Variants in STPG2 observed in about 807,000 individuals in gnomAD.
The protein encoded by STPG2 is sperm-tail PG-rich repeat-containing protein 2.
Under a neutral mutation model 54.2 loss-of-function variants are expected in STPG2, and 56 were observed. The ratio of observed to expected loss-of-function variants is 1.03; its 90% confidence interval spans 0.83 to 1.29. The LOEUF is 1.29. STPG2 is among the 50% of genes most tolerant of loss of function. The pLI is 0.00. For synonymous variants in STPG2, 200 were observed against 181.8 expected, an observed-to-expected ratio of 1.10 and a Z score of -0.81; for missense variants, 596 against 544.9, an observed-to-expected ratio of 1.09 and a Z score of -0.93.
intron 5 of STPG2, among the ~76,000 whole-genome samples, chr4:97,983,354 A>G (rs554905014): frequency 6.6e-6 from 1 of 152,344 alleles, no homozygotes; most frequent in South Asian, 2.1e-4. Flanking sequence ...GCTTCCAGTT[A>G]ACAATAGCCA....
intron 10 of STPG2, among the ~76,000 whole-genome samples, chr4:97,711,336 A>G (rs1724111262): frequency 6.6e-6 from 1 of 152,178 alleles, no homozygotes; most frequent in Non-Finnish European, 1.5e-5. Context: ...TAAAGTAAAC[A>G]AACGTCATAA....
intron 10 of STPG2, among the ~76,000 whole-genome samples, chr4:97,664,680 G>T (rs1217401327): frequency 6.9e-6 from 1 of 145,178 alleles, no homozygotes; most frequent in African/African-American, 2.9e-5. Flanking sequence ...TTTCTGATAA[G>T]AAGCTATTTT....
chr4:97,623,048 G>T (rs1267912009), intron 10 of STPG2, among the ~76,000 whole-genome samples: 2 of 152,066 alleles, frequency 1.3e-5, no homozygotes, highest in Non-Finnish European at 1.5e-5. Flanking sequence ...AATGGTGCTG[G>T]AATAACTGGC....
chr4:97,489,029 A>G (rs941932800), intron 4 of STPG2, among the ~76,000 whole-genome samples: 2 of 151,716 alleles, frequency 1.3e-5, no homozygotes, highest in Non-Finnish European at 3.0e-5. Context: ...AGGTCATTGA[A>G]TCATGGGGGC....
intron 8 of STPG2, among the ~76,000 whole-genome samples, chr4:97,896,695 C>T (rs1318793575): frequency 6.6e-6 from 1 of 151,322 alleles, no homozygotes; most frequent in Non-Finnish European, 1.5e-5. Flanking sequence ...AATTTCACAT[C>T]AAATAAATAT....
intron 4 of STPG2, among the ~76,000 whole-genome samples, chr4:97,461,531 A>G (rs929345970): frequency 1.3e-5 from 2 of 152,162 alleles, no homozygotes; most frequent in East Asian, 3.9e-4. Context: ...GCAGTCTGCA[A>G]CCCAGAAGAG....
At chr4:98,000,829 T>C (rs1294137623) in intron 5 of STPG2, among the ~76,000 whole-genome samples, 1 of 152,130 alleles carries the variant, frequency 6.6e-6, no homozygotes, top group South Asian at 2.1e-4. Flanking sequence ...TGACAGGGCA[T>C]GTTTTGCAGG....
intron 8 of STPG2, among the ~76,000 whole-genome samples, chr4:97,897,977 C>T (rs1279545321): frequency 6.6e-6 from 1 of 152,088 alleles, no homozygotes; most frequent in Non-Finnish European, 1.5e-5. Context: ...GAAATCTTTG[C>T]CCACTCCTAT....
chr4:97,748,529 G>A (rs1312347110), intron 9 of STPG2, among the ~76,000 whole-genome samples: 2 of 151,454 alleles, frequency 1.3e-5, no homozygotes, highest in South Asian at 2.1e-4. Flanking sequence ...AAAAGAGAAA[G>A]GGAACATATC....
intron 9 of STPG2, among the ~76,000 whole-genome samples, chr4:97,747,728 C>A (rs954515783): frequency 6.6e-6 from 1 of 151,266 alleles, no homozygotes; most frequent in Non-Finnish European, 1.5e-5. Context: ...ACAAAGCGTG[C>A]ATTTTTACAT....
chr4:97,685,485 T>C (rs1000590699), intron 10 of STPG2, among the ~76,000 whole-genome samples: 16 of 152,218 alleles, frequency 1.1e-4, no homozygotes, highest in Non-Finnish European at 2.2e-4. Flanking sequence ...TATGATATTC[T>C]TGAAAAAGCA....
downstream of STPG2, among the ~76,000 whole-genome samples, chr4:97,555,088 A>AG (rs1363154869): frequency 2.0e-5 from 3 of 152,186 alleles, no homozygotes; most frequent in Admixed American, 2.0e-4. Flanking sequence ...CAAAGGAGAA[A>AG]GCATCAACTT....
intron 10 of STPG2, among the ~76,000 whole-genome samples, chr4:97,668,653 G>A (rs1212036993): frequency 7.0e-6 from 1 of 143,174 alleles, no homozygotes. Context: ...AGGAAGAAAG[G>A]AGGAAGGAAA....
At chr4:97,779,646 C>G (rs511003) in intron 9 of STPG2, among the ~76,000 whole-genome samples, 24,482 of 151,922 alleles carry the variant, frequency 0.16, 2,129 homozygotes, top group East Asian at 0.36. Flanking sequence ...CACCAAAGTT[C>G]AAATGAAAGA....
intron 10 of STPG2, among the ~76,000 whole-genome samples, chr4:97,574,160 T>G (rs913195495): frequency 6.6e-6 from 1 of 152,096 alleles, no homozygotes; most frequent in African/African-American, 2.4e-5. Context: ...GGAACATAAT[T>G]ATTAATCTCT....
At chr4:98,044,000 A>T (rs1198937577) in intron 5 of STPG2, among the ~76,000 whole-genome samples, 1 of 151,824 alleles carries the variant, frequency 6.6e-6, no homozygotes, top group Non-Finnish European at 1.5e-5. Flanking sequence ...CTTAGCTCCC[A>T]CTTATATGTG....
intron 10 of STPG2, among the ~76,000 whole-genome samples, chr4:97,662,405 A>G (rs1722399148): frequency 6.6e-6 from 1 of 152,110 alleles, no homozygotes; most frequent in African/African-American, 2.4e-5. Flanking sequence ...GCAAAAAGGA[A>G]TGCTTATATA....
intron 8 of STPG2, among the ~76,000 whole-genome samples, chr4:97,869,253 A>T (rs1254399864): frequency 1.3e-5 from 2 of 151,742 alleles, no homozygotes; most frequent in African/African-American, 4.8e-5. Flanking sequence ...TTAGTTTATA[A>T]TTTTAAAACT....
chr4:97,652,198 G>GT (rs1206740584), intron 10 of STPG2, among the ~76,000 whole-genome samples: 3 of 151,956 alleles, frequency 2.0e-5, no homozygotes, highest in African/African-American at 7.2e-5. Context: ...TTTACACATT[G>GT]TAACGAAGAA....
Sources: gnomAD v4.1 joint callset for allele counts (sites outside exome capture counted in the v4.1 genomes callset) on GRCh38, gnomAD v4.1.1 for gene constraint, MANE v1.5 for transcripts, NCBI Gene and HGNC (gene_info 2026-07-23, HGNC 2026-07-21) for gene names.